Variants in ATP8B4 observed in about 807,000 individuals in gnomAD.
The protein encoded by ATP8B4 is probable phospholipid-transporting ATPase IM.
A neutral mutation model predicts 145.6 loss-of-function variants in ATP8B4; 133 were observed. The ratio of observed to expected loss-of-function variants is 0.91; its 90% CI spans 0.79 to 1.05. The LOEUF is 1.05. Among genes scored for constraint, ATP8B4 ranks in the 50% least tolerant of loss-of-function variants. The pLI is 0.00. For missense variants in ATP8B4, 1,458 were observed against 1,425.2 expected (o/e 1.02, Z -0.37); for synonymous variants, 507 against 492.9 (o/e 1.03, Z -0.38).
Position 49,919,557 on chromosome 15 carries a change from AC to A in ATP8B4, c.1924-608del, listed in dbSNP as rs2040064043. On this transcript the variant is annotated intron_variant, in intron 18 of 27. Transcript: ENST00000284509. ...CTCAGCCTCCCAAGTAGTTGGGACTACAGGCGCCCGCCACCGCACCCGGCTA... is the reference window on the plus strand; with the variant it reads ...CTCAGCCTCCCAAGTAGTTGGGACTAAGGCGCCCGCCACCGCACCCGGCTA... 2.0e-5 allele frequency among the ~76,000 whole-genome samples: 3 copies of A among 152,198 alleles called. No individual in the cohort carries two copies. In the South Asian group the frequency reaches 6.2e-4, roughly 32 times the overall value.
At chr15:50,102,248 C>A (rs1018969770) in intron 2 of ATP8B4, among the ~76,000 whole-genome samples, 9 of 151,582 alleles carry the variant, frequency 5.9e-5, no homozygotes, top group African/African-American at 1.9e-4. Flanking sequence ...AAGATCAGAG[C>A]ACACTAAATG....
At chr15:50,071,772 G>C (rs1306993067) in intron 3 of ATP8B4, among the ~76,000 whole-genome samples, 2 of 152,176 alleles carry the variant, frequency 1.3e-5, no homozygotes, top group East Asian at 3.9e-4. Context: ...CCCAGGCTAA[G>C]AAGCATGTTG....
intron 17 of ATP8B4, among the ~76,000 whole-genome samples, chr15:49,922,887 C>G (rs992137029): frequency 1.3e-5 from 2 of 152,146 alleles, no homozygotes; most frequent in African/African-American, 4.8e-5. Flanking sequence ...GATTTATGAC[C>G]TGAATAAAAA....
intron 6 of ATP8B4, among the ~76,000 whole-genome samples, chr15:50,026,030 T>C (rs186740879): frequency 6.6e-6 from 1 of 152,226 alleles, no homozygotes; most frequent in East Asian, 1.9e-4. Flanking sequence ...GAATACAATT[T>C]ATCTCCACTG....
chr15:49,968,669 A>G (rs2044788066), intron 13 of ATP8B4, among the ~76,000 whole-genome samples: 1 of 152,218 alleles, frequency 6.6e-6, no homozygotes, highest in Non-Finnish European at 1.5e-5. Flanking sequence ...CCACACAATT[A>G]TAGTGGGAGA....
intron 12 of ATP8B4, among the ~76,000 whole-genome samples, chr15:49,976,132 T>C (rs1001757878): frequency 6.6e-6 from 1 of 152,136 alleles, no homozygotes; most frequent in Non-Finnish European, 1.5e-5. Flanking sequence ...GCAGTTTTTT[T>C]CTCCCTGAAA....
intron 3 of ATP8B4, among the ~76,000 whole-genome samples, chr15:50,051,700 T>A (rs932592914): frequency 8.5e-5 from 13 of 152,152 alleles, no homozygotes; most frequent in African/African-American, 3.1e-4. Context: ...ACATTCCTAA[T>A]TCTGTTTTAT....
At chr15:50,170,056 A>C (rs867913372) in intron 1 of ATP8B4, among the ~76,000 whole-genome samples, 2 of 152,168 alleles carry the variant, frequency 1.3e-5, no homozygotes, top group Non-Finnish European at 2.9e-5. Flanking sequence ...CCTAAAACTC[A>C]TCAGTGTACC....
At chr15:49,985,384 C>T (rs1315423736) in intron 10 of ATP8B4, among the ~76,000 whole-genome samples, 2 of 152,216 alleles carry the variant, frequency 1.3e-5, no homozygotes. Context: ...GCGTGAGCCA[C>T]CGCGCCCAGC....
chr15:49,919,010 T>C (rs1260714595), intron 18 of ATP8B4, 60 bp from the exon 19 acceptor site: 3 of 1,232,810 alleles, frequency 2.4e-6, no homozygotes, highest in Admixed American at 2.0e-5. Context: ...CTATAACATC[T>C]ATGGATTTCA....
At chr15:50,092,172 A>C (rs2055653485) in intron 2 of ATP8B4, among the ~76,000 whole-genome samples, 2 of 152,104 alleles carry the variant, frequency 1.3e-5, no homozygotes, top group South Asian at 4.1e-4. Context: ...GAGACAAACC[A>C]ATGAAAACAT....
At chr15:50,058,644 C>T (rs1458277654) in intron 3 of ATP8B4, among the ~76,000 whole-genome samples, 1 of 152,144 alleles carries the variant, frequency 6.6e-6, no homozygotes, top group East Asian at 1.9e-4. Flanking sequence ...TCCTGAACCT[C>T]TAAGGATCAG....
At chr15:49,992,557 C>T (rs2047122231) in intron 9 of ATP8B4, among the ~76,000 whole-genome samples, 1 of 152,116 alleles carries the variant, frequency 6.6e-6, no homozygotes. Context: ...GAGATTTCAA[C>T]CCATCTCAGT....
chr15:50,167,658 C>T (rs1567415993), intron 1 of ATP8B4, among the ~76,000 whole-genome samples: 2 of 152,168 alleles, frequency 1.3e-5, no homozygotes, highest in Non-Finnish European at 1.5e-5. Context: ...TGATCCACTA[C>T]ACTTAGCATA....
chr15:50,139,763 G>A (rs887685471), intron 1 of ATP8B4, among the ~76,000 whole-genome samples: 2 of 152,110 alleles, frequency 1.3e-5, no homozygotes, highest in Non-Finnish European at 2.9e-5. Context: ...GACTATCCTG[G>A]AATATGCATA....
intron 14 of ATP8B4, among the ~76,000 whole-genome samples, chr15:49,959,163 T>C (rs1220209092): frequency 6.6e-6 from 1 of 151,966 alleles, no homozygotes; most frequent in African/African-American, 2.4e-5. Context: ...TGAAATTGAA[T>C]CTGTTAATAT....
intron 1 of ATP8B4, among the ~76,000 whole-genome samples, chr15:50,148,303 T>C (rs1485732974): frequency 6.6e-6 from 1 of 152,172 alleles, no homozygotes; most frequent in African/African-American, 2.4e-5. Flanking sequence ...TAAATAATTA[T>C]ATTTAATATT....
At chr15:49,903,594 G>A (rs1448213083) in intron 20 of ATP8B4, among the ~76,000 whole-genome samples, 2 of 152,290 alleles carry the variant, frequency 1.3e-5, no homozygotes, top group Admixed American at 6.5e-5. Flanking sequence ...ATATTGAAAG[G>A]TTAAATTGAT....
At chr15:49,978,645 A>G (rs2045878648) in intron 12 of ATP8B4, among the ~76,000 whole-genome samples, 1 of 151,864 alleles carries the variant, frequency 6.6e-6, no homozygotes, top group Non-Finnish European at 1.5e-5. Flanking sequence ...CTTAGCTCCA[A>G]TGTTTTGGGG....
Sources: gnomAD v4.1 joint callset for allele counts (sites outside exome capture counted in the v4.1 genomes callset) on GRCh38, gnomAD v4.1.1 for gene constraint, MANE v1.5 for transcripts, NCBI Gene and HGNC (gene_info 2026-07-23, HGNC 2026-07-21) for gene names.